NDUFS4: variants seen among roughly 807,000 people sequenced by gnomAD.
NDUFS4 encodes the protein NADH dehydrogenase [ubiquinone] iron-sulfur protein 4, mitochondrial.
NDUFS4 carries 28 observed loss-of-function variants against 24.3 expected under a neutral mutation model. The ratio of observed to expected loss-of-function variants is 1.15; its 90% CI spans 0.85 to 1.58. The LOEUF is 1.58. Ranked by LOEUF, NDUFS4 falls within the 40% of genes most tolerant of loss-of-function variation. The pLI, the probability that NDUFS4 is intolerant of heterozygous loss-of-function variation, is 0.00. For missense variants in NDUFS4, 223 were observed against 207.9 expected, an observed-to-expected ratio of 1.07 and a Z score of -0.45; for synonymous variants, 93 against 69.7, an observed-to-expected ratio of 1.34 and a Z score of -1.67.
chr5:53,664,673 C>T (rs1224274556), intron 4 of NDUFS4, among the ~76,000 whole-genome samples: 1 of 152,188 alleles, frequency 6.6e-6, no homozygotes, highest in Non-Finnish European at 1.5e-5. Flanking sequence ...CCGTGGTTTT[C>T]AGCTCCATCA....
At chr5:53,628,899 G>T (rs1751313609) in intron 2 of NDUFS4, among the ~76,000 whole-genome samples, 1 of 151,922 alleles carries the variant, frequency 6.6e-6, no homozygotes, top group Non-Finnish European at 1.5e-5. Context: ...TCTGATATTA[G>T]TCATTTCTTG....
intron 4 of NDUFS4, among the ~76,000 whole-genome samples, chr5:53,674,191 G>T (rs902308928): frequency 6.6e-6 from 1 of 152,188 alleles, no homozygotes; most frequent in African/African-American, 2.4e-5. Context: ...AGTATATTGT[G>T]TGTGGAAATA....
chr5:53,642,599 C>T (rs1751735917), intron 2 of NDUFS4, among the ~76,000 whole-genome samples: 1 of 151,850 alleles, frequency 6.6e-6, no homozygotes. Context: ...TTCCCTGCTT[C>T]CTTTGTTAAA....
chr5:53,567,043 G>T (rs1247269678), intron 1 of NDUFS4, among the ~76,000 whole-genome samples: 1 of 151,982 alleles, frequency 6.6e-6, no homozygotes, highest in Non-Finnish European at 1.5e-5. Flanking sequence ...TAGAGACGGG[G>T]TTTCACCATG....
chr5:53,586,146 CG>C (rs1749747169), intron 1 of NDUFS4, among the ~76,000 whole-genome samples: 1 of 151,590 alleles, frequency 6.6e-6, no homozygotes, highest in Non-Finnish European at 1.5e-5. Flanking sequence ...CTGACTAACA[CG>C]GCGAAACCCC....
chr5:53,635,055 T>C (rs1478077350), intron 2 of NDUFS4, among the ~76,000 whole-genome samples: 2 of 149,488 alleles, frequency 1.3e-5, no homozygotes, highest in African/African-American at 2.5e-5. Context: ...CTAGGCGAGG[T>C]GGCAGGCACC....
chr5:53,654,139 A>G (rs899626395), intron 3 of NDUFS4, among the ~76,000 whole-genome samples: 2 of 152,112 alleles, frequency 1.3e-5, no homozygotes, highest in African/African-American at 4.8e-5. Flanking sequence ...TTCTGATATA[A>G]TAAAATGGAC....
intron 1 of NDUFS4, among the ~76,000 whole-genome samples, chr5:53,579,818 A>G (rs1749497961): frequency 6.6e-6 from 1 of 152,238 alleles, no homozygotes; most frequent in Non-Finnish European, 1.5e-5. Flanking sequence ...AATGGTCCTT[A>G]TAAGAAGGAT....
intron 1 of NDUFS4, among the ~76,000 whole-genome samples, chr5:53,576,931 G>T (rs1340928133): frequency 6.6e-6 from 1 of 152,056 alleles, no homozygotes; most frequent in Non-Finnish European, 1.5e-5. Context: ...TAGGATGTAT[G>T]CTCTTGGAAC....
intron 2 of NDUFS4, among the ~76,000 whole-genome samples, chr5:53,629,923 A>G (rs535870729): frequency 3.5e-4 from 54 of 152,236 alleles, no homozygotes; most frequent in African/African-American, 1.2e-3. Context: ...TGTCATTATG[A>G]TGCTAGCTGG....
At chr5:53,611,783 T>C (rs1449184888) in intron 2 of NDUFS4, among the ~76,000 whole-genome samples, 1 of 152,020 alleles carries the variant, frequency 6.6e-6, no homozygotes, top group Non-Finnish European at 1.5e-5. Flanking sequence ...TCTTTATGCC[T>C]CCCTCCACCT....
At chr5:53,647,891 G>A (rs780604829) in intron 3 of NDUFS4, among the ~76,000 whole-genome samples, 1 of 152,100 alleles carries the variant, frequency 6.6e-6, no homozygotes, top group African/African-American at 2.4e-5. Flanking sequence ...TTAGGCAAAT[G>A]ATATATAGGC....
Position 53,666,125 on chromosome 5 carries a change from A to G in NDUFS4, c.424+7501A>G, listed in dbSNP as rs571946787. 3.3e-5 allele frequency among the ~76,000 whole-genome samples: 5 copies of G among 152,220 alleles called. No individual in the cohort carries two copies. In the South Asian group the frequency reaches 1.0e-3, roughly 32 times the overall value. On this transcript the variant is annotated intron_variant, in intron 4 of 4. Transcript: ENST00000296684. ...TACTATTTTGACTTAAAATAACATTACTCTCTTTGTGAACTGTAACATAGT... is the reference window on the plus strand; with the variant it reads ...TACTATTTTGACTTAAAATAACATTGCTCTCTTTGTGAACTGTAACATAGT...
At chr5:53,622,024 C>T (rs1751055759) in intron 2 of NDUFS4, among the ~76,000 whole-genome samples, 1 of 152,040 alleles carries the variant, frequency 6.6e-6, no homozygotes, top group Non-Finnish European at 1.5e-5. Context: ...TTGCATTAAA[C>T]AGTTGTCTTT....
At chr5:53,580,701 TCCTTTCCTTTCCTTTTCCTTTTCCTTTTC>T (rs1013054956) in intron 1 of NDUFS4, among the ~76,000 whole-genome samples, 3 of 141,584 alleles carry the variant, frequency 2.1e-5, no homozygotes, top group Non-Finnish European at 3.0e-5. Flanking sequence ...TCCTTTCCTT[TCCTTTCCTTTCCTTTTCCTTTTCCTTTTC>T]CCTTTCCTTT....
intron 2 of NDUFS4, chr5:53,604,984 G>A: frequency 2.4e-6 from 1 of 414,434 alleles, no homozygotes; most frequent in Non-Finnish European, 4.9e-6. Context: ...CACTTTGGGA[G>A]GCTGAGGCGG....
chr5:53,565,962 A>G (rs1013424821), intron 1 of NDUFS4, among the ~76,000 whole-genome samples: 2 of 151,518 alleles, frequency 1.3e-5, no homozygotes, highest in East Asian at 3.9e-4. Flanking sequence ...TCATGAGGTC[A>G]GGAGTTCGAG....
At chr5:53,623,651 CCTA>C (rs1751125791) in intron 2 of NDUFS4, among the ~76,000 whole-genome samples, 1 of 152,094 alleles carries the variant, frequency 6.6e-6, no homozygotes, top group Admixed American at 6.6e-5. Flanking sequence ...AAGATTTCCT[CCTA>C]TGTTTTCTTC....
At chr5:53,603,279 A>C (rs1750385075) in intron 1 of NDUFS4, among the ~76,000 whole-genome samples, 173 bp from the exon 2 acceptor site, 1 of 151,916 alleles carries the variant, frequency 6.6e-6, no homozygotes, top group Admixed American at 6.6e-5. Context: ...AACTCAGCAG[A>C]CAGAACTAAT....
Sources: gnomAD v4.1 joint callset for allele counts (sites outside exome capture counted in the v4.1 genomes callset) on GRCh38, gnomAD v4.1.1 for gene constraint, MANE v1.5 for transcripts, NCBI Gene and HGNC (gene_info 2026-07-23, HGNC 2026-07-21) for gene names.